The following C8orf89 variants were observed in gnomAD, a reference collection of about 807,000 sequenced individuals.
The protein encoded by C8orf89 is chromosome 8 open reading frame 89, also known as putative uncharacterized protein C8orf89.
In C8orf89, 14 loss-of-function variants were observed where a neutral mutation model predicts 15.8. The ratio of observed to expected loss-of-function variants is 0.89; its 90% CI spans 0.59 to 1.39. The LOEUF is 1.39. Ranked by LOEUF, C8orf89 falls within the 40% of genes most tolerant of loss-of-function variation. The pLI is 0.00. For missense variants in C8orf89, 181 were observed against 184.5 expected (o/e 0.98, Z 0.11); for synonymous variants, 55 against 62.2 (o/e 0.88, Z 0.54).
intron 1 of C8orf89, 36 bp downstream of exon 1, chr8:73,259,296 A>G (rs1190671353): frequency 6.7e-6 from 9 of 1,347,442 alleles, no homozygotes. Flanking sequence ...CACTATTTCT[A>G]TGTTTTCTTA....
chr8:73,255,622 G>C (rs1410632286), intron 2 of C8orf89, among the ~76,000 whole-genome samples: 18 of 149,290 alleles, frequency 1.2e-4, no homozygotes, highest in African/African-American at 4.2e-4. Flanking sequence ...TATACCCAAA[G>C]GACTATAAAT....
chr8:73,257,434 A>T (rs1364584963), intron 1 of C8orf89, among the ~76,000 whole-genome samples: 2 of 152,202 alleles, frequency 1.3e-5, no homozygotes, highest in African/African-American at 2.4e-5. Flanking sequence ...AGAATATTAG[A>T]TACCTTCACA....
chr8:73,246,612 C>T (rs550474448), intron 3 of C8orf89, among the ~76,000 whole-genome samples: 1 of 152,320 alleles, frequency 6.6e-6, no homozygotes, highest in South Asian at 2.1e-4. Flanking sequence ...CTCCTGACCT[C>T]ATGATCTGCT....
At chr8:73,264,520 C>A (rs1381850616), upstream of C8orf89, among the ~76,000 whole-genome samples, 4 of 152,104 alleles carry the variant, frequency 2.6e-5, no homozygotes, top group Non-Finnish European at 4.4e-5. Flanking sequence ...GAAGGAGTTT[C>A]ACTCTTGTCA....
At chr8:73,266,766 A>C in the C8orf89 span, among the ~76,000 whole-genome samples, 1 of 152,152 alleles carries the variant, frequency 6.6e-6, no homozygotes, top group African/African-American at 2.4e-5. Flanking sequence ...ACTGAACTGC[A>C]GGCGCCCAGA....
the C8orf89 span, among the ~76,000 whole-genome samples, chr8:73,268,596 G>A: frequency 6.6e-6 from 1 of 152,164 alleles, no homozygotes; most frequent in African/African-American, 2.4e-5. Flanking sequence ...GCACTGACAG[G>A]ATATTTGATA....
intron 3 of C8orf89, among the ~76,000 whole-genome samples, chr8:73,248,530 T>C (rs1301614638): frequency 6.6e-6 from 1 of 152,010 alleles, no homozygotes; most frequent in Non-Finnish European, 1.5e-5. Flanking sequence ...TTGCTTTGGG[T>C]AGTATAGTTA....
chr8:73,285,635 G>A, the C8orf89 span, among the ~76,000 whole-genome samples: 2 of 152,252 alleles, frequency 1.3e-5, no homozygotes, highest in Non-Finnish European at 2.9e-5. Flanking sequence ...TGCACCGAGG[G>A]GAGGGATTTC....
chr8:73,275,947 C>G, the C8orf89 span, among the ~76,000 whole-genome samples: 1 of 152,078 alleles, frequency 6.6e-6, no homozygotes, highest in Non-Finnish European at 1.5e-5. Flanking sequence ...GATACTGTTT[C>G]TCTGATCTTA....
At chr8:73,268,238 G>A in the C8orf89 span, among the ~76,000 whole-genome samples, 1 of 152,282 alleles carries the variant, frequency 6.6e-6, no homozygotes, top group East Asian at 1.9e-4. Context: ...CCAGCACTTT[G>A]GGAGGCCGAG....
chr8:73,268,786 C>A, the C8orf89 span, among the ~76,000 whole-genome samples: 2 of 152,158 alleles, frequency 1.3e-5, no homozygotes, highest in Non-Finnish European at 2.9e-5. Context: ...TGGGTAAAAC[C>A]ACATCAGCCA....
At chr8:73,266,982 C>T in the C8orf89 span, among the ~76,000 whole-genome samples, 5 of 152,194 alleles carry the variant, frequency 3.3e-5, no homozygotes, top group East Asian at 5.8e-4. Context: ...TGGCAGTCAC[C>T]GATTTAATGA....
chr8:73,261,168 G>A (rs1813522975), upstream of C8orf89, among the ~76,000 whole-genome samples: 5 of 152,206 alleles, frequency 3.3e-5, no homozygotes, highest in South Asian at 1.0e-3. Context: ...ACTTTACCTT[G>A]TGATCACGTG....
chr8:73,255,227 A>T (rs1170005880), intron 2 of C8orf89, among the ~76,000 whole-genome samples: 1 of 152,146 alleles, frequency 6.6e-6, no homozygotes, highest in African/African-American at 2.4e-5. Context: ...CGTCTGAAAA[A>T]GGGCTAATAT....
At chr8:73,276,242 T>TCTCGGCTCACTGCAAC in the C8orf89 span, among the ~76,000 whole-genome samples, 2 of 145,936 alleles carry the variant, frequency 1.4e-5, no homozygotes. Flanking sequence ...AGTGGTGCAA[T>TCTCGGCTCACTGCAAC]CTCGGCTCAC....
chr8:73,252,915 G>A (rs1240243301), intron 2 of C8orf89, among the ~76,000 whole-genome samples: 1 of 152,136 alleles, frequency 6.6e-6, no homozygotes, highest in African/African-American at 2.4e-5. Flanking sequence ...GCCGAGGTGG[G>A]TGGATCACGA....
chr8:73,285,390 C>T, the C8orf89 span, among the ~76,000 whole-genome samples: 1 of 152,250 alleles, frequency 6.6e-6, no homozygotes, highest in Admixed American at 6.5e-5. Context: ...CTCAGGTCCC[C>T]ATGCTCAGAT....
upstream of C8orf89, among the ~76,000 whole-genome samples, chr8:73,261,332 A>G (rs1813525839): frequency 6.6e-6 from 1 of 152,122 alleles, no homozygotes; most frequent in Non-Finnish European, 1.5e-5. Context: ...ACACAGCCGC[A>G]GTGTATGTGC....
chr8:73,256,063 G>A lies in C8orf89; in HGVS notation c.281+910C>T, dbSNP rs867076183. Reference sequence around the variant, plus strand: ...AGCATGGCACATGTATACATATGTAGCTAACCTGCACATTGTGCACATGTA... The same window carrying A: ...AGCATGGCACATGTATACATATGTAACTAACCTGCACATTGTGCACATGTA... On this transcript the variant is annotated intron_variant, in intron 2 of 3. Coordinates refer to ENST00000624510, the MANE Select transcript of C8orf89 (RefSeq NM_001243237.3). Among the ~76,000 whole-genome samples, 1,141 of 151,370 alleles carry A rather than the reference G, an allele frequency of 7.5e-3. 17 individuals carry two copies. The highest frequency in any genetic ancestry group is 0.026 in the African/African-American group (1,072 of 41,110).
Sources: allele counts gnomAD v4.1 joint callset (sites outside exome capture counted in the v4.1 genomes callset), GRCh38; gene constraint gnomAD v4.1.1; transcripts MANE v1.5; gene names NCBI Gene and HGNC (gene_info 2026-07-23, HGNC 2026-07-21).